Variants in PEAK1 observed in about 807,000 individuals in gnomAD.
PEAK1 encodes inactive tyrosine-protein kinase PEAK1.
A neutral mutation model predicts 124.7 loss-of-function variants in PEAK1; 54 were observed. The observed-to-expected ratio is 0.43, with a 90% CI of 0.35 to 0.54. The LOEUF is 0.54. PEAK1 is among the 20% of genes least tolerant of loss of function. The probability of loss-of-function intolerance (pLI) is 0.01; values close to 1 mark genes in which losing one functional copy is unlikely to be tolerated. For missense variants in PEAK1, 2,046 were observed against 2,134.5 expected, an observed-to-expected ratio of 0.96 and a Z score of 0.82; for synonymous variants, 719 against 760.0, an observed-to-expected ratio of 0.95 and a Z score of 0.89.
At chr15:77,291,717 C>T (rs2063219714) in intron 2 of PEAK1, among the ~76,000 whole-genome samples, 1 of 152,094 alleles carries the variant, frequency 6.6e-6, no homozygotes, top group African/African-American at 2.4e-5. Context: ...GTGGCTCACG[C>T]CTGTAATCCC....
intron 7 of PEAK1, among the ~76,000 whole-genome samples, chr15:77,174,927 G>A (rs2056753198): frequency 6.6e-6 from 1 of 151,816 alleles, no homozygotes; most frequent in South Asian, 2.1e-4. Flanking sequence ...GAACAGAACA[G>A]AGCCCTCAGA....
At chr15:77,131,234 G>A (rs979957667) in intron 9 of PEAK1, among the ~76,000 whole-genome samples, 3 of 152,172 alleles carry the variant, frequency 2.0e-5, no homozygotes, top group Non-Finnish European at 4.4e-5. Flanking sequence ...GGTGGCTCAC[G>A]CCTGTAATCC....
At chr15:77,381,189 T>C (rs953342101) in intron 1 of PEAK1, 16 of 974,350 alleles carry the variant, frequency 1.6e-5, no homozygotes, top group Admixed American at 6.2e-5. Context: ...AAAGCTAATC[T>C]AGGACTACAG....
intron 1 of PEAK1, among the ~76,000 whole-genome samples, chr15:77,369,452 T>C (rs1046165907): frequency 2.0e-5 from 3 of 152,146 alleles, no homozygotes; most frequent in African/African-American, 7.2e-5. Flanking sequence ...AGAAACCATA[T>C]GTGCAGGAAC....
chr15:77,281,104 G>C (rs1222161576), intron 5 of PEAK1, among the ~76,000 whole-genome samples: 1 of 152,050 alleles, frequency 6.6e-6, no homozygotes, highest in African/African-American at 2.4e-5. Context: ...GGAAGCAAAG[G>C]CTGCAATGAG....
At chr15:77,317,994 G>C (rs2064979413) in intron 2 of PEAK1, among the ~76,000 whole-genome samples, 1 of 152,160 alleles carries the variant, frequency 6.6e-6, no homozygotes, top group South Asian at 2.1e-4. Context: ...TTCAGAAATG[G>C]AAAGCAGATT....
intron 9 of PEAK1, among the ~76,000 whole-genome samples, chr15:77,128,048 C>T (rs1385952205): frequency 6.7e-6 from 1 of 149,644 alleles, no homozygotes; most frequent in Non-Finnish European, 1.5e-5. Flanking sequence ...CACTGCACTC[C>T]AGCCTGGGTG....
rs2053065545 is a variant in PEAK1, at chr15:77,133,595, C to T, written c.3487G>A (p.Ala1163Thr). The change falls in exon 9 of 10, where the codon GCC (alanine) becomes ACC (threonine). Residue 1163 changes from alanine (A) to threonine (T), a missense_variant. Coordinates refer to ENST00000682557, the MANE Select transcript of PEAK1 (RefSeq NM_001385026.1). The surrounding 1 kb of genome is among the most constrained non-coding windows in gnomAD (Gnocchi z 4.2). ...PPLPKKMIIR[A>T]NTEPISKDLQ... ...TCCTTGGAGATTGGCTCTGTATTGGCTCTTATGATCATCTTCTTTGGCAGT... is the reference window on the plus strand; with the variant it reads ...TCCTTGGAGATTGGCTCTGTATTGGTTCTTATGATCATCTTCTTTGGCAGT... 6.2e-7 allele frequency: 1 copy of T among 1,613,982 alleles called. No homozygotes were observed. Among genetic ancestry groups the T allele is most frequent in the Non-Finnish European group, 8.5e-7 (1 of 1,180,018 alleles).
intron 7 of PEAK1, among the ~76,000 whole-genome samples, chr15:77,174,044 A>T (rs1317415637): frequency 6.6e-6 from 1 of 152,194 alleles, no homozygotes; most frequent in South Asian, 2.1e-4. Flanking sequence ...AGCCTTGTAC[A>T]CTGAAGGATC....
chr15:77,333,140 CACTT>C (rs1360991606), intron 2 of PEAK1: 3 of 966,924 alleles, frequency 3.1e-6, no homozygotes, highest in Non-Finnish European at 3.7e-6. Context: ...GCAACTAAAA[CACTT>C]TATTTATTTA....
intron 1 of PEAK1, among the ~76,000 whole-genome samples, chr15:77,366,446 G>A (rs1202737899): frequency 6.6e-6 from 1 of 152,074 alleles, no homozygotes; most frequent in Non-Finnish European, 1.5e-5. Flanking sequence ...AGGCTATACT[G>A]ACAGCTACAA....
At chr15:77,119,601 T>C (rs1375512791) in intron 9 of PEAK1, among the ~76,000 whole-genome samples, 1 of 152,130 alleles carries the variant, frequency 6.6e-6, no homozygotes, top group Non-Finnish European at 1.5e-5. Flanking sequence ...TCTTCCAGAA[T>C]CATAGCCAAA....
chr15:77,262,579 C>A (rs2061497103), intron 5 of PEAK1, among the ~76,000 whole-genome samples: 2 of 151,696 alleles, frequency 1.3e-5, no homozygotes, highest in South Asian at 4.2e-4. Context: ...TATATATGCA[C>A]CCAATACAGG....
At chr15:77,233,717 A>G (rs2060000262) in intron 6 of PEAK1, among the ~76,000 whole-genome samples, 1 of 152,200 alleles carries the variant, frequency 6.6e-6, no homozygotes, top group Non-Finnish European at 1.5e-5. Context: ...CGTCTTCTTG[A>G]CATCTCCACT....
At chr15:77,125,498 ATG>A (rs539532020) in intron 9 of PEAK1, among the ~76,000 whole-genome samples, 50 of 150,200 alleles carry the variant, frequency 3.3e-4, no homozygotes, top group African/African-American at 1.1e-3. Context: ...GTGTGTGTGT[ATG>A]TGTGTGTGTG....
chr15:77,181,080 C>T lies in PEAK1; in HGVS notation c.847G>A (p.Val283Ile). The change falls in exon 7 of 10, where the codon GTT becomes ATT. Residue 283 changes from valine to isoleucine, a missense_variant. Coordinates refer to ENST00000682557, the MANE Select transcript of PEAK1 (RefSeq NM_001385026.1). ...CATTTTTTGTCCACAAAGAATCGAACAGGAGACAATGTGTTTGCTCTGAAG... is the reference window on the plus strand; with the variant it reads ...CATTTTTTGTCCACAAAGAATCGAATAGGAGACAATGTGTTTGCTCTGAAG... ...ANFRANTLSP[V>I]RFFVDKKWNT... 6.2e-7 allele frequency: 1 copy of T among 1,614,180 alleles called. No homozygotes were observed. The highest frequency in any genetic ancestry group is 1.1e-5 in the South Asian group (1 of 91,082).
chr15:77,323,590 C>T (rs527984539), intron 2 of PEAK1, among the ~76,000 whole-genome samples: 32 of 152,262 alleles, frequency 2.1e-4, no homozygotes, highest in Non-Finnish European at 3.8e-4. Flanking sequence ...CGTGAAGGAC[C>T]TCTTCAAGGA....
chr15:77,243,585 G>A (rs746207952), intron 6 of PEAK1, among the ~76,000 whole-genome samples: 1 of 152,184 alleles, frequency 6.6e-6, no homozygotes, highest in Non-Finnish European at 1.5e-5. Context: ...AGAAGGCCGA[G>A]GGAAAATAAA....
intron 1 of PEAK1, among the ~76,000 whole-genome samples, chr15:77,394,290 T>C (rs570404441): frequency 6.6e-5 from 10 of 152,236 alleles, no homozygotes; most frequent in East Asian, 3.9e-4. Context: ...ACATAGGCAA[T>C]AGGCAGGCAG....
Sources: allele counts gnomAD v4.1 joint callset (sites outside exome capture counted in the v4.1 genomes callset), GRCh38; gene constraint gnomAD v4.1.1; non-coding constraint Gnocchi (gnomAD v3.1); transcripts MANE v1.5; gene names NCBI Gene and HGNC (gene_info 2026-07-23, HGNC 2026-07-21).